The following SGCZ variants were observed in gnomAD, a reference collection of about 807,000 sequenced individuals.
SGCZ encodes the protein sarcoglycan zeta.
A neutral mutation model predicts 41.3 loss-of-function variants in SGCZ; 40 were observed. The observed-to-expected ratio is 0.97, with a 90% CI of 0.75 to 1.26. The LOEUF (loss-of-function observed/expected upper bound fraction) is 1.26. SGCZ is among the 50% of genes most tolerant of loss of function. SGCZ has a pLI of 0.00. For synonymous variants in SGCZ, 206 were observed against 137.5 expected (o/e 1.50, Z -3.49); for missense variants, 552 against 369.8 (o/e 1.49, Z -4.04).
At chr8:14,508,989 T>C (rs1175918415) in intron 2 of SGCZ, among the ~76,000 whole-genome samples, 1 of 152,156 alleles carries the variant, frequency 6.6e-6, no homozygotes, top group Non-Finnish European at 1.5e-5. Context: ...TTATACAAAT[T>C]CAAATATAAG....
rs552123772 is a variant in SGCZ at position 14,339,799 on chromosome 8, T to C, written c.235-15595A>G. Among the ~76,000 whole-genome samples, 3 of 152,100 alleles carry C rather than the reference T, an allele frequency of 2.0e-5. No individual in the cohort carries two copies. In the East Asian group the frequency reaches 5.8e-4, roughly 29 times the overall value. Reference sequence around the variant, plus strand: ...AGAAAGTGAGAACTAAAATAATATATGTAAATTTAAAATATGTGCATAAAA... The same window carrying C: ...AGAAAGTGAGAACTAAAATAATATACGTAAATTTAAAATATGTGCATAAAA... On this transcript the variant is annotated intron_variant, in intron 2 of 7. Transcript: ENST00000382080.
chr8:14,503,699 T>G (rs930750750), intron 2 of SGCZ, among the ~76,000 whole-genome samples: 16 of 149,630 alleles, frequency 1.1e-4, no homozygotes, highest in African/African-American at 3.4e-4. Flanking sequence ...ACCTGGGAGG[T>G]GGAGGTTGCA....
intron 1 of SGCZ, among the ~76,000 whole-genome samples, chr8:15,195,877 T>C (rs1034004820): frequency 6.7e-5 from 10 of 150,094 alleles, no homozygotes; most frequent in Non-Finnish European, 8.9e-5. Context: ...GTTTTATACA[T>C]CCTTAGGCTT....
chr8:14,972,891 T>TA (rs566495053), intron 1 of SGCZ, among the ~76,000 whole-genome samples: 2 of 152,216 alleles, frequency 1.3e-5, no homozygotes, highest in Non-Finnish European at 2.9e-5. Context: ...GAAATTTGGC[T>TA]AAAAAATCTT....
chr8:15,211,234 G>C (rs761937768), intron 1 of SGCZ, among the ~76,000 whole-genome samples: 29 of 151,048 alleles, frequency 1.9e-4, no homozygotes, highest in Non-Finnish European at 3.1e-4. Flanking sequence ...CATACTTCAA[G>C]TTTGTCTTAT....
At chr8:14,380,639 G>T (rs1023455402) in intron 2 of SGCZ, among the ~76,000 whole-genome samples, 8 of 152,082 alleles carry the variant, frequency 5.3e-5, no homozygotes, top group Admixed American at 5.2e-4. Flanking sequence ...ACATCGTCAG[G>T]TCAACAGGTC....
At chr8:14,521,543 C>G (rs933546913) in intron 2 of SGCZ, among the ~76,000 whole-genome samples, 1 of 152,096 alleles carries the variant, frequency 6.6e-6, no homozygotes, top group Non-Finnish European at 1.5e-5. Context: ...AGTTGTTTAA[C>G]CATCAATCTA....
At chr8:14,156,647 ATAT>A (rs1803884736) in intron 5 of SGCZ, among the ~76,000 whole-genome samples, 1 of 152,180 alleles carries the variant, frequency 6.6e-6, no homozygotes, top group Non-Finnish European at 1.5e-5. Context: ...TTTCTGAATA[ATAT>A]TATTCAAAAC....
intron 2 of SGCZ, among the ~76,000 whole-genome samples, chr8:14,443,969 C>T (rs1380687751): frequency 6.6e-6 from 1 of 151,766 alleles, no homozygotes; most frequent in Admixed American, 6.6e-5. Flanking sequence ...TTACAAGAAA[C>T]AAACAAACAA....
chr8:14,117,815 ATGAG>A (rs1160922038), intron 5 of SGCZ, among the ~76,000 whole-genome samples: 1 of 151,006 alleles, frequency 6.6e-6, no homozygotes, highest in Non-Finnish European at 1.5e-5. Context: ...ATTCCCACTT[ATGAG>A]TGAGAACATG....
intron 1 of SGCZ, among the ~76,000 whole-genome samples, chr8:14,692,901 T>C (rs1026015421): frequency 2.0e-5 from 3 of 152,156 alleles, no homozygotes. Context: ...CAAAAGCAAA[T>C]AACAATTCTA....
intron 2 of SGCZ, among the ~76,000 whole-genome samples, chr8:14,521,690 G>C (rs1012806705): frequency 8.5e-5 from 13 of 152,224 alleles, no homozygotes; most frequent in African/African-American, 2.9e-4. Flanking sequence ...GTGATAGTTA[G>C]ATGGTTAATT....
intron 2 of SGCZ, among the ~76,000 whole-genome samples, chr8:14,368,374 T>C (rs1005609103): frequency 6.6e-6 from 1 of 152,028 alleles, no homozygotes; most frequent in African/African-American, 2.4e-5. Flanking sequence ...CAGCCAGATA[T>C]TGGAAAATGG....
chr8:14,802,474 T>C (rs916843351), intron 1 of SGCZ, among the ~76,000 whole-genome samples: 1 of 152,200 alleles, frequency 6.6e-6, no homozygotes, highest in Non-Finnish European at 1.5e-5. Flanking sequence ...ATTCAGGGGA[T>C]ACTCCCATGG....
intron 1 of SGCZ, among the ~76,000 whole-genome samples, chr8:14,557,375 G>T (rs1434297403): frequency 1.3e-5 from 2 of 151,778 alleles, no homozygotes; most frequent in African/African-American, 2.4e-5. Flanking sequence ...CCACCCTGTG[G>T]GTTGTCTGTT....
intron 1 of SGCZ, among the ~76,000 whole-genome samples, chr8:15,102,253 C>G (rs544167939): frequency 1.4e-4 from 21 of 152,228 alleles, no homozygotes; most frequent in African/African-American, 4.6e-4. Context: ...CATGGAAGGT[C>G]ATGGAGGAAC....
intron 2 of SGCZ, among the ~76,000 whole-genome samples, chr8:14,434,457 T>C (rs1036239450): frequency 2.0e-5 from 3 of 152,212 alleles, no homozygotes; most frequent in Non-Finnish European, 4.4e-5. Context: ...TCGGCTGTTT[T>C]TGGGTTCCAT....
intron 2 of SGCZ, among the ~76,000 whole-genome samples, chr8:14,464,823 G>A (rs964409401): frequency 2.0e-5 from 3 of 151,082 alleles, no homozygotes; most frequent in African/African-American, 7.3e-5. Context: ...TATATCCCTT[G>A]TGATTTTATC....
At chr8:14,259,827 G>GT (rs1475079748) in intron 3 of SGCZ, among the ~76,000 whole-genome samples, 4 of 151,324 alleles carry the variant, frequency 2.6e-5, no homozygotes, top group Non-Finnish European at 4.4e-5. Flanking sequence ...CTTTAAAGTA[G>GT]TTTTTTCCAA....
Sources: allele counts gnomAD v4.1 joint callset (sites outside exome capture counted in the v4.1 genomes callset), GRCh38; gene constraint gnomAD v4.1.1; transcripts MANE v1.5; gene names NCBI Gene and HGNC (gene_info 2026-07-23, HGNC 2026-07-21).